Variants in ZNRF2 observed in about 807,000 individuals in gnomAD.
ZNRF2 encodes E3 ubiquitin-protein ligase ZNRF2.
ZNRF2 carries 16 observed loss-of-function variants against 20.4 expected under a neutral mutation model. The ratio of observed to expected loss-of-function variants is 0.79; its 90% CI spans 0.53 to 1.19. The LOEUF (loss-of-function observed/expected upper bound fraction) is 1.19, where lower values mean the gene tolerates loss of function less well. ZNRF2 is among the 50% of genes most tolerant of loss of function. The probability of loss-of-function intolerance (pLI) is 0.00; values close to 1 mark genes in which losing one functional copy is unlikely to be tolerated. For missense variants in ZNRF2, 363 were observed against 332.4 expected, an observed-to-expected ratio of 1.09 and a Z score of -0.72; for synonymous variants, 178 against 144.9, an observed-to-expected ratio of 1.23 and a Z score of -1.64.
At chr7:30,312,275 C>T (rs1297155238) in intron 1 of ZNRF2, among the ~76,000 whole-genome samples, 3 of 152,160 alleles carry the variant, frequency 2.0e-5, no homozygotes, top group Admixed American at 2.0e-4. Flanking sequence ...GCTACTATGC[C>T]AGCCCTCTGA....
chr7:30,326,390 T>C (rs1799552697), intron 2 of ZNRF2, among the ~76,000 whole-genome samples: 1 of 152,228 alleles, frequency 6.6e-6, no homozygotes, highest in Admixed American at 6.5e-5. Flanking sequence ...GTGCGGAATT[T>C]GCTTTTCTGT....
intron 3 of ZNRF2, among the ~76,000 whole-genome samples, chr7:30,359,003 AT>A (rs1179174687): frequency 1.3e-5 from 2 of 152,312 alleles, no homozygotes; most frequent in African/African-American, 4.8e-5. Context: ...AAAAAAATTG[AT>A]TTGCCAGAGA....
At chr7:30,337,645 G>C (rs1799736121) in intron 2 of ZNRF2, among the ~76,000 whole-genome samples, 1 of 152,060 alleles carries the variant, frequency 6.6e-6, no homozygotes, top group Admixed American at 6.6e-5. Flanking sequence ...TGAAAATATA[G>C]TCTAAAACCT....
chr7:30,287,849 C>T (rs529969686), intron 1 of ZNRF2, among the ~76,000 whole-genome samples: 4 of 152,166 alleles, frequency 2.6e-5, no homozygotes, highest in African/African-American at 9.7e-5. Flanking sequence ...ATTCTTGGAA[C>T]AATTGAGAAA....
intron 2 of ZNRF2, among the ~76,000 whole-genome samples, chr7:30,353,702 G>A (rs996771685): frequency 2.6e-5 from 4 of 152,050 alleles, no homozygotes; most frequent in African/African-American, 9.7e-5. Context: ...AAAATGAGAT[G>A]CGTCTAAAAT....
At chr7:30,364,284 A>G (rs1025075592) in intron 4 of ZNRF2, among the ~76,000 whole-genome samples, 3 of 152,176 alleles carry the variant, frequency 2.0e-5, no homozygotes, top group Non-Finnish European at 2.9e-5. Flanking sequence ...TGAAATGTGG[A>G]AGCCTTGGTA....
At chr7:30,342,032 A>G (rs1023401002) in intron 2 of ZNRF2, among the ~76,000 whole-genome samples, 4 of 149,400 alleles carry the variant, frequency 2.7e-5, no homozygotes, top group African/African-American at 9.8e-5. Context: ...ATCAGAGACA[A>G]GGATTTCAAC....
rs778243558 is a variant in ZNRF2, at chr7:30,289,801, T to C, written c.469+3975T>C. 3 of 534,366 alleles carry C rather than the reference T, an allele frequency of 5.6e-6. No homozygotes were observed. In the African/African-American group the frequency reaches 5.8e-5, roughly 10 times the overall value. 33.1% of individuals were successfully genotyped at this position (534,366 alleles called of 1,614,324 possible). A position where few individuals can be genotyped will look rare whatever the true frequency, so the allele number is the denominator to read the frequency against. On this transcript the variant is annotated intron_variant, in intron 1 of 4. Transcript: ENST00000323037. ...CCTAAGAACCTGGTATTTTGATGCTTTGCTGGCTGGTGCAGTGCCTGAGGG... is the reference window on the plus strand; with the variant it reads ...CCTAAGAACCTGGTATTTTGATGCTCTGCTGGCTGGTGCAGTGCCTGAGGG...
At chr7:30,302,474 A>T (rs1034511047) in intron 1 of ZNRF2, among the ~76,000 whole-genome samples, 1 of 152,094 alleles carries the variant, frequency 6.6e-6, no homozygotes, top group Non-Finnish European at 1.5e-5. Flanking sequence ...TAAGAAATGT[A>T]TAGTCTCTAG....
intron 2 of ZNRF2, among the ~76,000 whole-genome samples, chr7:30,335,127 C>T (rs1309419822): frequency 6.6e-6 from 1 of 152,068 alleles, no homozygotes; most frequent in Non-Finnish European, 1.5e-5. Context: ...TCATTAATAA[C>T]GTTTGAGGAC....
intron 1 of ZNRF2, among the ~76,000 whole-genome samples, chr7:30,297,987 C>T (rs140693912): frequency 2.6e-5 from 4 of 152,034 alleles, no homozygotes; most frequent in Admixed American, 1.3e-4. Flanking sequence ...GCCTCAGCCT[C>T]TTGAGTAGTT....
intron 1 of ZNRF2, among the ~76,000 whole-genome samples, chr7:30,295,062 T>G: frequency 8.9e-6 from 1 of 112,162 alleles, no homozygotes; most frequent in Non-Finnish European, 1.8e-5. Context: ...TGTGTGTGTG[T>G]GTGTGTGTGT....
intron 2 of ZNRF2, among the ~76,000 whole-genome samples, chr7:30,342,342 T>C (rs1799809985): frequency 1.3e-5 from 2 of 152,146 alleles, no homozygotes; most frequent in South Asian, 4.1e-4. Flanking sequence ...TTACAGTTTG[T>C]TATGTTTTTG....
In ZNRF2 at chr7:30,295,048, A is replaced by T. The variant is rs867300062; in HGVS notation, c.469+9222A>T. On this transcript the variant is annotated intron_variant, in intron 1 of 4. Transcript: ENST00000323037. ...GAGAGAGAGAGAGAGAGAGAGAGAGAGAGTGTGTGTGTGTGTGTGTGTGTG... is the reference window on the plus strand; with the variant it reads ...GAGAGAGAGAGAGAGAGAGAGAGAGTGAGTGTGTGTGTGTGTGTGTGTGTG... 4.9e-3 allele frequency among the ~76,000 whole-genome samples: 390 copies of T among 78,922 alleles called. 2 individuals carry two copies. Among genetic ancestry groups the T allele is most frequent in the Middle Eastern group, 0.014 (2 of 144 alleles). The allele number at this position is 78,922 out of a possible 152,430, so 51.8% of individuals were successfully genotyped here.
intron 1 of ZNRF2, among the ~76,000 whole-genome samples, chr7:30,314,750 ATC>A: frequency 6.6e-6 from 1 of 151,638 alleles, no homozygotes; most frequent in Non-Finnish European, 1.5e-5. Flanking sequence ...CAAGTACTTT[ATC>A]GCTCTGGGTT....
chr7:30,314,449 A>G (rs982252950), intron 1 of ZNRF2, among the ~76,000 whole-genome samples: 37 of 152,196 alleles, frequency 2.4e-4, no homozygotes, highest in Non-Finnish European at 1.0e-4. Context: ...ATATGTATTT[A>G]AAATGATCTA....
chr7:30,316,287 TCAAAAAAA>T (rs1799373496), intron 1 of ZNRF2, among the ~76,000 whole-genome samples: 1 of 15,442 alleles, frequency 6.5e-5, no homozygotes, highest in African/African-American at 2.8e-4. Flanking sequence ...AAACTCCATC[TCAAAAAAA>T]AAAAAAAAAA....
Position 30,290,958 on chromosome 7 carries a change from G to C in ZNRF2, c.469+5132G>C, listed in dbSNP as rs544687969. On this transcript the variant is annotated intron_variant, in intron 1 of 4. Coordinates refer to ENST00000323037, the MANE Select transcript of ZNRF2 (RefSeq NM_147128.4). Reference sequence around the variant, plus strand: ...AACTCTCCATTGAATTTGAGAGATGGATATATGTGATCATTATACAATGCA... The same window carrying C: ...AACTCTCCATTGAATTTGAGAGATGCATATATGTGATCATTATACAATGCA... Among the ~76,000 whole-genome samples, 13 of 152,302 alleles carry C rather than the reference G, an allele frequency of 8.5e-5. No individual in the cohort carries two copies. In the South Asian group the frequency reaches 2.5e-3, roughly 29 times the overall value.
intron 1 of ZNRF2, among the ~76,000 whole-genome samples, chr7:30,290,388 T>G (rs767964697): frequency 2.6e-5 from 4 of 152,228 alleles, no homozygotes; most frequent in Non-Finnish European, 4.4e-5. Context: ...CTTAGCTGTG[T>G]CCTCTTTAAG....
Sources: gnomAD v4.1 joint callset for allele counts (sites outside exome capture counted in the v4.1 genomes callset) on GRCh38, gnomAD v4.1.1 for gene constraint, MANE v1.5 for transcripts, NCBI Gene and HGNC (gene_info 2026-07-23, HGNC 2026-07-21) for gene names.